TSPAN13: variants seen among roughly 807,000 people sequenced by gnomAD.
TSPAN13 encodes tetraspanin 13.
TSPAN13 carries 18 observed loss-of-function variants against 26.9 expected under a neutral mutation model. The ratio of observed to expected loss-of-function variants is 0.67; its 90% CI spans 0.46 to 0.99. The LOEUF is 0.99. Among genes scored for constraint, TSPAN13 ranks in the 50% least tolerant of loss-of-function variants. TSPAN13 has a pLI of 0.00. For synonymous variants in TSPAN13, 116 were observed against 98.4 expected (o/e 1.18, Z -1.06); for missense variants, 201 against 249.6 (o/e 0.81, Z 1.31).
At chr7:16,777,166 A>T in intron 3 of TSPAN13, 44 bp downstream of exon 3, 1 of 1,373,184 alleles carries the variant, frequency 7.3e-7, no homozygotes, top group South Asian at 1.2e-5. Flanking sequence ...ACCACATAGC[A>T]TGAGTATGAA....
rs561850660 is a variant in TSPAN13, at chr7:16,753,846, C to A, written c.-122C>A. 2.4e-4 allele frequency: 255 copies of A among 1,066,608 alleles called. No individual in the cohort carries two copies. The African/African-American group carries it at 2.9e-3, about 12-fold the overall frequency. 66.1% of individuals were successfully genotyped at this position (1,066,608 alleles called of 1,614,324 possible). A position where few individuals can be genotyped will look rare whatever the true frequency, so the allele number is the denominator to read the frequency against. ...ACTGCAGCCCCAGGCCCCGGCCCCCCACCCACGTCTGCGTTGCTGCCCCGC... is the reference window on the plus strand; with the variant it reads ...ACTGCAGCCCCAGGCCCCGGCCCCCAACCCACGTCTGCGTTGCTGCCCCGC... On this transcript the variant is annotated 5_prime_UTR_variant, in exon 1 of 6. Transcript: ENST00000262067.
chr7:16,753,958 A>G lies in TSPAN13; in HGVS notation c.-10A>G. 1 of 1,611,942 alleles carries G rather than the reference A, an allele frequency of 6.2e-7. No individual in the cohort carries two copies. The highest frequency in any genetic ancestry group is 8.5e-7 in the Non-Finnish European group (1 of 1,179,078). On this transcript the variant is annotated 5_prime_UTR_variant, in exon 1 of 6. Transcript: ENST00000262067. ...TTTACGTGCAGCTGCCGGCAACCACAGGTTCCAAGATGGTTTGCGGGGGCT... is the reference window on the plus strand; with the variant it reads ...TTTACGTGCAGCTGCCGGCAACCACGGGTTCCAAGATGGTTTGCGGGGGCT...
At chr7:16,776,190 G>T (rs1419513140) in intron 1 of TSPAN13, 21 bp from the exon 2 acceptor site, 1 of 1,610,802 alleles carries the variant, frequency 6.2e-7, no homozygotes. Context: ...CTCTACCCCT[G>T]CCCCCTGGGT....
intron 1 of TSPAN13, among the ~76,000 whole-genome samples, chr7:16,766,101 A>G (rs1784600639): frequency 6.6e-6 from 1 of 152,348 alleles, no homozygotes; most frequent in African/African-American, 2.4e-5. Context: ...CATTAGAGGC[A>G]TATTATAAGT....
intron 5 of TSPAN13, among the ~76,000 whole-genome samples, chr7:16,779,535 A>G (rs1350862681): frequency 1.3e-5 from 2 of 151,890 alleles, no homozygotes; most frequent in Non-Finnish European, 2.9e-5. Flanking sequence ...ATCTTGAAAA[A>G]TTGCCTTCCT....
intron 1 of TSPAN13, among the ~76,000 whole-genome samples, chr7:16,760,536 A>G (rs1443594172): frequency 6.6e-6 from 1 of 152,124 alleles, no homozygotes; most frequent in Non-Finnish European, 1.5e-5. Flanking sequence ...TGCTAAAGAA[A>G]CCCAAGTGGA....
chr7:16,760,565 C>G (rs1375151516), intron 1 of TSPAN13, among the ~76,000 whole-genome samples: 3 of 152,152 alleles, frequency 2.0e-5, no homozygotes, highest in African/African-American at 7.2e-5. Context: ...GTAGCACTTA[C>G]AGTAACCACA....
chr7:16,782,754 A>T (rs781458002), intron 5 of TSPAN13, among the ~76,000 whole-genome samples: 22 of 152,186 alleles, frequency 1.4e-4, no homozygotes, highest in Non-Finnish European at 2.9e-4. Context: ...TTCCTGAATT[A>T]TCAAAATATA....
chr7:16,766,670 A>C (rs544826519), intron 1 of TSPAN13, among the ~76,000 whole-genome samples: 1 of 152,232 alleles, frequency 6.6e-6, no homozygotes. Flanking sequence ...GATTGAGGTG[A>C]AATATCTGAG....
At chr7:16,754,337 C>T (rs966904574) in intron 1 of TSPAN13, among the ~76,000 whole-genome samples, 1 of 152,366 alleles carries the variant, frequency 6.6e-6, no homozygotes, top group African/African-American at 2.4e-5. Context: ...TCAACCGGAC[C>T]TCTCCGCTTT....
chr7:16,772,911 A>T (rs1207590374), intron 1 of TSPAN13, among the ~76,000 whole-genome samples: 1 of 152,074 alleles, frequency 6.6e-6, no homozygotes. Context: ...TGGGAGAATC[A>T]CTTGAACGCG....
chr7:16,772,389 T>A (rs1330707402), intron 1 of TSPAN13, among the ~76,000 whole-genome samples: 1 of 152,164 alleles, frequency 6.6e-6, no homozygotes, highest in Admixed American at 6.5e-5. Context: ...AACAGAAATT[T>A]ATCCCCTCAC....
intron 1 of TSPAN13, among the ~76,000 whole-genome samples, chr7:16,771,794 A>T (rs745470416): frequency 2.6e-5 from 4 of 152,198 alleles, no homozygotes; most frequent in Non-Finnish European, 5.9e-5. Flanking sequence ...ACCCTCTTTG[A>T]TGGTTTTAGA....
intron 1 of TSPAN13, among the ~76,000 whole-genome samples, chr7:16,768,035 C>G (rs1365988431): frequency 6.6e-6 from 1 of 152,176 alleles, no homozygotes; most frequent in African/African-American, 2.4e-5. Flanking sequence ...GCCTCAGCCT[C>G]CCGAGTAGCT....
At chr7:16,778,136 G>C (rs1562521131) in intron 4 of TSPAN13, among the ~76,000 whole-genome samples, 35 of 152,244 alleles carry the variant, frequency 2.3e-4, no homozygotes, top group Admixed American at 2.2e-3. Flanking sequence ...AGATGCTAAT[G>C]GTTTATTGTC....
intron 1 of TSPAN13, among the ~76,000 whole-genome samples, chr7:16,775,264 G>C (rs1389379648): frequency 2.0e-5 from 3 of 151,990 alleles, no homozygotes; most frequent in Non-Finnish European, 4.4e-5. Context: ...ATCTTTATGT[G>C]GCATACTATT....
At chr7:16,783,346 T>C (rs1008342621) in intron 5 of TSPAN13, 71 bp from the exon 6 acceptor site, 1 of 1,443,360 alleles carries the variant, frequency 6.9e-7, no homozygotes, top group African/African-American at 1.4e-5. Flanking sequence ...GTTATTTTAT[T>C]GATCAACTGA....
chr7:16,764,548 A>T (rs1784585382), intron 1 of TSPAN13, among the ~76,000 whole-genome samples: 1 of 152,146 alleles, frequency 6.6e-6, no homozygotes, highest in African/African-American at 2.4e-5. Flanking sequence ...TGAATTAGAT[A>T]AAAGTAAACA....
At position 16,777,061 on chromosome 7, in the gene TSPAN13, T is replaced by A; in HGVS notation, c.251T>A (p.Leu84His). The A allele has an allele frequency of 6.2e-7, 1 of 1,612,430 alleles. No individual in the cohort carries two copies. Among genetic ancestry groups the A allele is most frequent in the Non-Finnish European group, 8.5e-7 (1 of 1,178,684 alleles). The change falls in exon 3 of 6, where the codon CTT becomes CAT. Residue 84 changes from leucine to histidine, a missense_variant. By Grantham distance (99) the Leu-to-His change is moderately conservative. Transcript: ENST00000262067. ...TCTCAGTATATGATTATTCTGTTAC[T>A]TGTATTTATTGTTCAGTTTTCTGTA... is the stretch of plus-strand genomic sequence containing the variant. ...LLFFYMIILLLVFIVQFSVSC... is the reference protein window; with the variant it reads ...LLFFYMIILLHVFIVQFSVSC...
Sources: allele counts gnomAD v4.1 joint callset (sites outside exome capture counted in the v4.1 genomes callset), GRCh38; gene constraint gnomAD v4.1.1; transcripts MANE v1.5; gene names NCBI Gene and HGNC (gene_info 2026-07-23, HGNC 2026-07-21).